CCDC192: variants seen among roughly 807,000 people sequenced by gnomAD.
The protein encoded by CCDC192 is coiled-coil domain-containing protein 192.
intron 5 of CCDC192, among the ~76,000 whole-genome samples, chr5:127,860,148 A>G (rs1357485746): frequency 1.3e-5 from 2 of 152,200 alleles, no homozygotes; most frequent in African/African-American, 4.8e-5. Context: ...ACAAAACATT[A>G]TATTGAAAAT....
chr5:127,792,765 AGAG>A (rs894968191), intron 3 of CCDC192, among the ~76,000 whole-genome samples: 4 of 151,126 alleles, frequency 2.6e-5, no homozygotes, highest in East Asian at 3.9e-4. Context: ...AAGACAAGAA[AGAG>A]GAGGAGGAGA....
At chr5:127,756,768 A>T (rs149548954) in intron 3 of CCDC192, among the ~76,000 whole-genome samples, 180 of 152,380 alleles carry the variant, frequency 1.2e-3, no homozygotes, top group African/African-American at 4.1e-3. Flanking sequence ...TTTGTTTCAG[A>T]GTCAAACCAT....
At chr5:127,884,000 G>A (rs892872875) in intron 6 of CCDC192, among the ~76,000 whole-genome samples, 7 of 152,152 alleles carry the variant, frequency 4.6e-5, no homozygotes, top group African/African-American at 1.7e-4. Context: ...AGGGTCCCTT[G>A]GCTGTCCAGG....
intron 6 of CCDC192, among the ~76,000 whole-genome samples, chr5:127,894,480 C>T (rs1328027374): frequency 7.2e-5 from 11 of 152,076 alleles, no homozygotes; most frequent in East Asian, 1.9e-4. Context: ...CGTGAGCCAC[C>T]GCGCCTGGCC....
chr5:127,784,402 A>G (rs1756416461), intron 3 of CCDC192, among the ~76,000 whole-genome samples: 1 of 152,132 alleles, frequency 6.6e-6, no homozygotes, highest in Admixed American at 6.5e-5. Context: ...ATTAGGGTAA[A>G]TGGCATTGGT....
At chr5:127,727,992 G>GA (rs1163758829) in intron 2 of CCDC192, among the ~76,000 whole-genome samples, 4 of 152,146 alleles carry the variant, frequency 2.6e-5, no homozygotes, top group African/African-American at 9.7e-5. Context: ...CAAGATTAGA[G>GA]AAAAATGAAT....
At chr5:127,766,610 A>T (rs1168598670) in intron 3 of CCDC192, among the ~76,000 whole-genome samples, 1 of 7,654 alleles carries the variant, frequency 1.3e-4, no homozygotes, top group African/African-American at 6.1e-4. Flanking sequence ...GTCCTGTGTA[A>T]AAAAAAAAAA....
In CCDC192 at chr5:127,758,905, C is replaced by T. The variant is rs150071743; in HGVS notation, c.222+4530C>T. The stretch of plus-strand genomic sequence containing the variant: ...AGACCATACAGCTTTTGTGCTGAGA[C>T]AAAAGATAGTGTCAAGAAAACCCAT... On this transcript the variant is annotated intron_variant, in intron 3 of 6. Transcript: ENST00000514853. 7.0e-3 allele frequency among the ~76,000 whole-genome samples: 1,070 copies of T among 152,308 alleles called. 15 individuals carry two copies. The highest frequency in any genetic ancestry group is 0.024 in the African/African-American group (1,011 of 41,558).
Position 127,906,796 on chromosome 5 carries a change from C to A in CCDC192, c.535+31135C>A, listed in dbSNP as rs553550541. ...GTAAGATCCTGTCTCCAAAAAAAAC[C>A]CCAACAAAAACAAATATCTATTTGA... On this transcript the variant is annotated intron_variant, in intron 6 of 6. Coordinates refer to ENST00000514853, the MANE Select transcript of CCDC192 (RefSeq NM_001317938.2). 1.6e-4 allele frequency among the ~76,000 whole-genome samples: 25 copies of A among 152,010 alleles called. 2 individuals carry two copies. In the South Asian group the frequency reaches 5.2e-3, roughly 32 times the overall value.
intron 5 of CCDC192, among the ~76,000 whole-genome samples, chr5:127,832,617 AG>A (rs1166841785): frequency 4.6e-5 from 7 of 152,310 alleles, no homozygotes; most frequent in African/African-American, 1.7e-4. Context: ...GGGGAATAAA[AG>A]GGAAAACAGA....
At chr5:127,778,525 T>C (rs932836986) in intron 3 of CCDC192, among the ~76,000 whole-genome samples, 7 of 152,180 alleles carry the variant, frequency 4.6e-5, no homozygotes, top group African/African-American at 1.7e-4. Flanking sequence ...TAGTATTGTG[T>C]TGAGGATTTC....
rs184554038 is a variant in CCDC192 at position 127,837,449 on chromosome 5, C to G, written c.412-38089C>G. 3.0e-3 allele frequency among the ~76,000 whole-genome samples: 237 copies of G among 80,220 alleles called. 79 individuals are homozygous for G. The highest frequency in any genetic ancestry group is 8.6e-3 in the African/African-American group (208 of 24,146). The allele number at this position is 80,220 out of a possible 152,430, so 52.6% of individuals were successfully genotyped here. ...CCATCAGATGTTGTGAGAACTCACT[C>G]ACTATCATAAGAATAGCATGGAGGA... On this transcript the variant is annotated intron_variant, in intron 5 of 6. Coordinates refer to ENST00000514853, the MANE Select transcript of CCDC192 (RefSeq NM_001317938.2).
intron 2 of CCDC192, among the ~76,000 whole-genome samples, chr5:127,722,290 T>C (rs1282754381): frequency 6.6e-6 from 1 of 151,900 alleles, no homozygotes; most frequent in Non-Finnish European, 1.5e-5. Flanking sequence ...TAGGATCTTT[T>C]GCTCATTTTT....
intron 3 of CCDC192, among the ~76,000 whole-genome samples, chr5:127,757,835 G>T (rs1349301179): frequency 1.3e-5 from 2 of 150,186 alleles, no homozygotes; most frequent in Non-Finnish European, 3.0e-5. Flanking sequence ...GTGTGTATGT[G>T]TGTGTGTGTG....
At chr5:127,811,218 C>G (rs1758065115) in intron 5 of CCDC192, among the ~76,000 whole-genome samples, 1 of 152,238 alleles carries the variant, frequency 6.6e-6, no homozygotes, top group East Asian at 1.9e-4. Context: ...ACTTCCTTTT[C>G]TTTTTCAAAG....
intron 5 of CCDC192, among the ~76,000 whole-genome samples, chr5:127,826,505 T>G (rs1313221019): frequency 2.0e-5 from 3 of 151,498 alleles, no homozygotes; most frequent in Non-Finnish European, 2.9e-5. Flanking sequence ...CTATTCACAA[T>G]AGCAAAGACA....
At chr5:127,795,355 T>C (rs1484717461) in intron 3 of CCDC192, among the ~76,000 whole-genome samples, 1 of 151,382 alleles carries the variant, frequency 6.6e-6, no homozygotes, top group Non-Finnish European at 1.5e-5. Context: ...ACACCTACTG[T>C]GAGCTAGAAG....
At chr5:127,841,272 G>C (rs1336354108) in intron 5 of CCDC192, among the ~76,000 whole-genome samples, 9 of 152,104 alleles carry the variant, frequency 5.9e-5, no homozygotes, top group Admixed American at 4.6e-4. Context: ...ACATAATTTC[G>C]GAGTATATTA....
At chr5:127,895,659 A>T (rs1752859338) in intron 6 of CCDC192, among the ~76,000 whole-genome samples, 1 of 151,622 alleles carries the variant, frequency 6.6e-6, no homozygotes, top group Non-Finnish European at 1.5e-5. Flanking sequence ...GGCCAACATG[A>T]CAAAACCCTG....
Sources: allele counts gnomAD v4.1 joint callset (sites outside exome capture counted in the v4.1 genomes callset), GRCh38; gene constraint gnomAD v4.1.1; transcripts MANE v1.5; gene names NCBI Gene and HGNC (gene_info 2026-07-23, HGNC 2026-07-21).